The following IMMP2L variants were observed in gnomAD, a reference collection of about 807,000 sequenced individuals.
IMMP2L encodes the protein mitochondrial inner membrane protease subunit 2.
In IMMP2L, 18 loss-of-function variants were observed where a neutral mutation model predicts 19.3. The ratio of observed to expected loss-of-function variants is 0.93; its 90% CI spans 0.64 to 1.38. The LOEUF is 1.38. IMMP2L is among the 40% of genes most tolerant of loss of function. IMMP2L has a pLI of 0.00. For synonymous variants in IMMP2L, 76 were observed against 73.0 expected (o/e 1.04, Z -0.21); for missense variants, 233 against 218.2 (o/e 1.07, Z -0.43).
chr7:111,201,684 C>G (rs1379129679), intron 3 of IMMP2L, among the ~76,000 whole-genome samples: 5 of 151,262 alleles, frequency 3.3e-5, no homozygotes, highest in Non-Finnish European at 5.9e-5. Context: ...CCACTGCACT[C>G]CAGCCTTGGC....
At chr7:110,966,482 A>C (rs11980847) in intron 3 of IMMP2L, among the ~76,000 whole-genome samples, 16,358 of 151,888 alleles carry the variant, frequency 0.11, 1,435 homozygotes, top group African/African-American at 0.25. Context: ...AAAAAGCAAC[A>C]CCTATCAGTG....
Position 110,803,478 on chromosome 7 carries a change from A to G in IMMP2L, c.408+83115T>C, listed in dbSNP as rs1208765686. On this transcript the variant is annotated intron_variant, in intron 5 of 5. Transcript: ENST00000405709. This position sits in a 1 kb window ranked among gnomAD's most constrained non-coding sequence, Gnocchi z 4.2. ...GTTTAAGATGTTTATAGAGAGTAGGAATCAATGGGATCAATGTGTACACAG... is the reference window on the plus strand; with the variant it reads ...GTTTAAGATGTTTATAGAGAGTAGGGATCAATGGGATCAATGTGTACACAG... 2.0e-5 allele frequency among the ~76,000 whole-genome samples: 3 copies of G among 152,090 alleles called. No homozygotes were observed. The highest frequency in any genetic ancestry group is 7.2e-5 in the African/African-American group (3 of 41,434).
rs547607297 is a variant in IMMP2L, at chr7:111,178,426, G to A, written c.240-214861C>T. Among the ~76,000 whole-genome samples the A allele has an allele frequency of 3.7e-4, 56 of 152,128 alleles. 1 individual carries two copies. The South Asian group carries it at 0.012, about 32-fold the overall frequency. On this transcript the variant is annotated intron_variant, in intron 3 of 5. Transcript: ENST00000405709. ...ACGGTGATGGATGCTGAAGGTTGGG[G>A]TAGCTGTAACAATTTTCTTAAGAAA...
chr7:110,685,815 A>G (rs1040135371), intron 5 of IMMP2L, among the ~76,000 whole-genome samples: 4 of 152,096 alleles, frequency 2.6e-5, no homozygotes, highest in African/African-American at 9.7e-5. Flanking sequence ...TAACATCCCT[A>G]TGAGACCTTT....
At chr7:111,176,516 G>A (rs938728076) in intron 3 of IMMP2L, among the ~76,000 whole-genome samples, 3 of 151,872 alleles carry the variant, frequency 2.0e-5, no homozygotes, top group Non-Finnish European at 4.4e-5. Context: ...AATAAGCCAG[G>A]CACCAAAAGA....
intron 3 of IMMP2L, among the ~76,000 whole-genome samples, chr7:111,405,112 C>G (rs935033978): frequency 6.6e-6 from 1 of 151,924 alleles, no homozygotes; most frequent in Non-Finnish European, 1.5e-5. Flanking sequence ...CTCCTTTTAC[C>G]GACTATGGTT....
At chr7:110,751,302 A>G (rs545664379) in intron 5 of IMMP2L, among the ~76,000 whole-genome samples, 26 of 152,038 alleles carry the variant, frequency 1.7e-4, no homozygotes, top group Non-Finnish European at 3.2e-4. Flanking sequence ...AAAATTTTAA[A>G]AAGAAAAATA....
intron 5 of IMMP2L, among the ~76,000 whole-genome samples, chr7:110,674,937 G>A (rs1250731452): frequency 6.6e-6 from 1 of 152,092 alleles, no homozygotes; most frequent in South Asian, 2.1e-4. Context: ...ACCCAATTCA[G>A]TCCTGACTCT....
At chr7:111,368,073 C>T (rs545052065) in intron 3 of IMMP2L, among the ~76,000 whole-genome samples, 2 of 151,162 alleles carry the variant, frequency 1.3e-5, no homozygotes, top group African/African-American at 4.9e-5. Flanking sequence ...TCAATCTATA[C>T]ACACTAGATA....
intron 3 of IMMP2L, among the ~76,000 whole-genome samples, chr7:111,227,423 C>T (rs953283772): frequency 6.6e-6 from 1 of 152,082 alleles, no homozygotes; most frequent in Admixed American, 6.6e-5. Context: ...GGATATCTCC[C>T]TGTTTTCTTT....
rs556289616 is a variant in IMMP2L, at chr7:111,061,671, A to C, written c.240-98106T>G. ...GCTCAGGTCTTCGACTGCTTTAGCA[A>C]ACTTCTAAGAGGTCTTTTGGGCTCC... On this transcript the variant is annotated intron_variant, in intron 3 of 5. Coordinates refer to ENST00000405709, the MANE Select transcript of IMMP2L (RefSeq NM_032549.4). Among the ~76,000 whole-genome samples, 3 of 152,224 alleles carry C rather than the reference A, an allele frequency of 2.0e-5. No individual in the cohort carries two copies. The South Asian group carries it at 6.2e-4, about 32-fold the overall frequency.
At chr7:111,144,004 C>T (rs191524120) in intron 3 of IMMP2L, among the ~76,000 whole-genome samples, 1 of 152,104 alleles carries the variant, frequency 6.6e-6, no homozygotes, top group African/African-American at 2.4e-5. Flanking sequence ...CTCAGTGTCA[C>T]AGATACACTG....
chr7:110,865,907 A>T (rs1242160403), intron 5 of IMMP2L, among the ~76,000 whole-genome samples: 1 of 151,930 alleles, frequency 6.6e-6, no homozygotes. Flanking sequence ...CTAAAAATTG[A>T]TACAAAGCAG....
intron 3 of IMMP2L, among the ~76,000 whole-genome samples, chr7:111,278,830 G>A (rs1819389367): frequency 6.6e-6 from 1 of 151,990 alleles, no homozygotes; most frequent in Non-Finnish European, 1.5e-5. Context: ...CACCCAACTT[G>A]TACCCAGAAA....
chr7:110,901,945 C>T (rs1811911078), intron 4 of IMMP2L, among the ~76,000 whole-genome samples: 1 of 152,030 alleles, frequency 6.6e-6, no homozygotes, highest in South Asian at 2.1e-4. Context: ...ATTCATTTTA[C>T]AGACTTTATA....
chr7:110,933,182 G>A (rs773353318), intron 4 of IMMP2L, among the ~76,000 whole-genome samples: 21 of 152,298 alleles, frequency 1.4e-4, no homozygotes, highest in Admixed American at 3.9e-4. Flanking sequence ...AGAGCCTGGT[G>A]GAGACATAGC....
chr7:111,240,528 G>C (rs1814882795), intron 3 of IMMP2L, among the ~76,000 whole-genome samples: 1 of 151,882 alleles, frequency 6.6e-6, no homozygotes, highest in Non-Finnish European at 1.5e-5. Context: ...TGTAGTCAAG[G>C]CAAATAAAAC....
intron 4 of IMMP2L, among the ~76,000 whole-genome samples, chr7:110,929,457 A>G (rs1815234047): frequency 6.6e-6 from 1 of 152,144 alleles, no homozygotes; most frequent in Non-Finnish European, 1.5e-5. Context: ...GTTGCATGTG[A>G]ATTCCATTTT....
chr7:111,171,992 A>G (rs1219605931), intron 3 of IMMP2L, among the ~76,000 whole-genome samples: 1 of 151,584 alleles, frequency 6.6e-6, no homozygotes, highest in Non-Finnish European at 1.5e-5. Flanking sequence ...TATAGGGCAC[A>G]GGCATTTGGT....
Sources: allele counts gnomAD v4.1 joint callset (sites outside exome capture counted in the v4.1 genomes callset), GRCh38; gene constraint gnomAD v4.1.1; non-coding constraint Gnocchi (gnomAD v3.1); transcripts MANE v1.5; gene names NCBI Gene and HGNC (gene_info 2026-07-23, HGNC 2026-07-21).